KIF6: variants seen among roughly 807,000 people sequenced by gnomAD.
The protein encoded by KIF6 is kinesin family member 6.
In KIF6, 106 loss-of-function variants were observed where a neutral mutation model predicts 112.7. The ratio of observed to expected loss-of-function variants is 0.94; its 90% confidence interval spans 0.80 to 1.11. KIF6 has a LOEUF of 1.11. Among genes scored for constraint, KIF6 ranks in the 50% least tolerant of loss-of-function variants. The pLI is 0.00. For missense variants in KIF6, 929 were observed against 964.0 expected (o/e 0.96, Z 0.48); for synonymous variants, 339 against 339.9 (o/e 1.00, Z 0.03).
intron 12 of KIF6, among the ~76,000 whole-genome samples, chr6:39,542,223 C>T (rs1313542095): frequency 2.0e-5 from 3 of 152,146 alleles, no homozygotes; most frequent in Non-Finnish European, 2.9e-5. Flanking sequence ...GATCGCAATA[C>T]GAATCTATCT....
At chr6:39,600,219 T>C (rs1375801346) in intron 6 of KIF6, among the ~76,000 whole-genome samples, 1 of 152,190 alleles carries the variant, frequency 6.6e-6, no homozygotes, top group Non-Finnish European at 1.5e-5. Flanking sequence ...GGCAGATTCA[T>C]TCAAAGTTAA....
intron 3 of KIF6, among the ~76,000 whole-genome samples, chr6:39,704,612 C>T (rs908819021): frequency 5.3e-5 from 8 of 151,246 alleles, no homozygotes; most frequent in South Asian, 2.1e-4. Context: ...AGAGAAACTC[C>T]GTCTTTAAAA....
At chr6:39,520,397 T>C (rs1047998904) in intron 13 of KIF6, among the ~76,000 whole-genome samples, 16 of 152,232 alleles carry the variant, frequency 1.1e-4, no homozygotes, top group African/African-American at 3.4e-4. Flanking sequence ...GCACATAGCC[T>C]GTCTATCAGT....
chr6:39,625,846 G>A (rs1202429457), intron 5 of KIF6, among the ~76,000 whole-genome samples: 1 of 152,166 alleles, frequency 6.6e-6, no homozygotes, highest in Non-Finnish European at 1.5e-5. Flanking sequence ...CAGAGTTCCT[G>A]AGACTAGAGG....
intron 3 of KIF6, among the ~76,000 whole-genome samples, chr6:39,677,020 A>G (rs1787182642): frequency 6.6e-6 from 1 of 152,032 alleles, no homozygotes; most frequent in South Asian, 2.1e-4. Context: ...AACAAAAAAT[A>G]TATATTTTTA....
intron 13 of KIF6, among the ~76,000 whole-genome samples, chr6:39,465,709 A>G (rs2150430873): frequency 6.6e-6 from 1 of 152,288 alleles, no homozygotes; most frequent in African/African-American, 2.4e-5. Flanking sequence ...TGTATTTAAC[A>G]ACTGGGCCCT....
intron 15 of KIF6, among the ~76,000 whole-genome samples, chr6:39,410,068 T>C (rs2150351356): frequency 6.6e-6 from 1 of 152,348 alleles, no homozygotes; most frequent in South Asian, 2.1e-4. Flanking sequence ...CTCCTTCCTT[T>C]TAGAGAGTGC....
intron 10 of KIF6, among the ~76,000 whole-genome samples, chr6:39,558,483 T>C (rs1037226703): frequency 2.0e-5 from 3 of 152,078 alleles, no homozygotes; most frequent in Admixed American, 6.5e-5. Context: ...GCTCTACACA[T>C]ACAAAAAGAT....
At chr6:39,481,351 T>G (rs1458668395) in intron 13 of KIF6, among the ~76,000 whole-genome samples, 1 of 152,194 alleles carries the variant, frequency 6.6e-6, no homozygotes, top group African/African-American at 2.4e-5. Flanking sequence ...CTAAGAGGCA[T>G]GTGGATGTAT....
chr6:39,713,136 G>A (rs867146144), intron 3 of KIF6, among the ~76,000 whole-genome samples: 9 of 152,088 alleles, frequency 5.9e-5, no homozygotes, highest in Admixed American at 1.3e-4. Flanking sequence ...AGAGAATTCC[G>A]GGCAGAGGGA....
intron 6 of KIF6, among the ~76,000 whole-genome samples, chr6:39,611,563 C>T (rs977550735): frequency 3.3e-5 from 5 of 152,128 alleles, no homozygotes; most frequent in Admixed American, 1.3e-4. Context: ...AAGGATGAGG[C>T]CTGTACTTCT....
chr6:39,359,005 C>T (rs915807704), intron 18 of KIF6, among the ~76,000 whole-genome samples: 8 of 152,072 alleles, frequency 5.3e-5, no homozygotes, highest in African/African-American at 1.2e-4. Flanking sequence ...TTTTGATAAC[C>T]GTATTTCATT....
intron 10 of KIF6, among the ~76,000 whole-genome samples, chr6:39,559,948 T>A (rs1424551929): frequency 6.6e-6 from 1 of 152,126 alleles, no homozygotes; most frequent in Non-Finnish European, 1.5e-5. Flanking sequence ...AAAGCTAAAA[T>A]AGGGTTGCAA....
At chr6:39,377,461 G>A (rs1157881151) in intron 16 of KIF6, among the ~76,000 whole-genome samples, 2 of 151,932 alleles carry the variant, frequency 1.3e-5, no homozygotes, top group Non-Finnish European at 2.9e-5. Context: ...GGTGCTCAGT[G>A]AAATCTGGGG....
At chr6:39,423,339 G>GCC (rs936910120) in intron 14 of KIF6, among the ~76,000 whole-genome samples, 2 of 152,102 alleles carry the variant, frequency 1.3e-5, no homozygotes, top group Non-Finnish European at 2.9e-5. Context: ...GCTTCCAAGG[G>GCC]CCCCGGCTCT....
intron 14 of KIF6, among the ~76,000 whole-genome samples, chr6:39,427,855 A>G (rs59744506): frequency 0.023 from 3,444 of 152,276 alleles, 122 homozygotes; most frequent in African/African-American, 0.079. Context: ...GAAGACCACA[A>G]CATCCTCATC....
chr6:39,457,960 C>T (rs1173655212), intron 13 of KIF6, among the ~76,000 whole-genome samples: 2 of 150,710 alleles, frequency 1.3e-5, no homozygotes, highest in African/African-American at 2.5e-5. Flanking sequence ...GAACTGGTAC[C>T]ATTCCTTCTG....
chr6:39,486,282 T>C (rs1174350243), intron 13 of KIF6, among the ~76,000 whole-genome samples: 2 of 152,164 alleles, frequency 1.3e-5, no homozygotes, highest in African/African-American at 2.4e-5. Context: ...CTGACTACCC[T>C]GCTGGAGAGG....
chr6:39,656,180 T>C (rs1785770713), intron 3 of KIF6, among the ~76,000 whole-genome samples: 1 of 152,146 alleles, frequency 6.6e-6, no homozygotes, highest in Non-Finnish European at 1.5e-5. Flanking sequence ...TGTGATAGGG[T>C]GTCTCTGTCT....
Sources: allele counts gnomAD v4.1 joint callset (sites outside exome capture counted in the v4.1 genomes callset), GRCh38; gene constraint gnomAD v4.1.1; transcripts MANE v1.5; gene names NCBI Gene and HGNC (gene_info 2026-07-23, HGNC 2026-07-21).